RASA3: variants seen among roughly 807,000 people sequenced by gnomAD.
RASA3 encodes RAS p21 protein activator 3.
Under a neutral mutation model 110.0 loss-of-function variants are expected in RASA3, and 73 were observed. The observed-to-expected ratio is 0.66, with a 90% CI of 0.55 to 0.81. RASA3 has a LOEUF of 0.81. Ranked by LOEUF, RASA3 falls within the 30% of genes least tolerant of loss-of-function variation. The probability of loss-of-function intolerance (pLI) is 0.00; values close to 1 mark genes in which losing one functional copy is unlikely to be tolerated. For missense variants in RASA3, 976 were observed against 1,113.2 expected (o/e 0.88, Z 1.75); for synonymous variants, 500 against 451.4 (o/e 1.11, Z -1.37).
intron 11 of RASA3, among the ~76,000 whole-genome samples, chr13:114,017,717 G>A (rs533913236): frequency 6.6e-6 from 1 of 152,346 alleles, no homozygotes; most frequent in South Asian, 2.1e-4. Flanking sequence ...CCTCCTGTCA[G>A]CTACAGTGGC....
rs77572736 is a variant in RASA3, at chr13:114,027,779, C to T, written c.530+68G>A. On this transcript the variant is annotated intron_variant, in intron 6 of 23. Coordinates refer to ENST00000334062, the MANE Select transcript of RASA3 (RefSeq NM_007368.4). ...CTCCTCCCAAATGAGGCAGTGGTCT[C>T]GTGATTTCAGAGCTGGACCCTAGCC... 3,358 of 1,491,520 alleles carry T rather than the reference C, an allele frequency of 2.3e-3. 52 individuals carry two copies. The African/African-American group carries it at 0.042, about 19-fold the overall frequency. 92.4% of individuals were successfully genotyped at this position (1,491,520 alleles called of 1,614,324 possible).
At chr13:114,097,463 C>A (rs2079961218) in intron 1 of RASA3, among the ~76,000 whole-genome samples, 1 of 152,230 alleles carries the variant, frequency 6.6e-6, no homozygotes, top group Non-Finnish European at 1.5e-5. Flanking sequence ...TGAGACAGAA[C>A]GTCACAGCGA....
intron 1 of RASA3, among the ~76,000 whole-genome samples, chr13:114,118,749 T>C (rs999122204): frequency 5.3e-5 from 8 of 152,242 alleles, no homozygotes; most frequent in African/African-American, 1.9e-4. Flanking sequence ...GATGAATTAT[T>C]AACCAGACCA....
intron 7 of RASA3, among the ~76,000 whole-genome samples, chr13:114,025,045 T>C (rs1415735057): frequency 4.0e-5 from 6 of 151,462 alleles, no homozygotes; most frequent in Admixed American, 2.0e-4. Context: ...TCACCTGGAG[T>C]TCCGATTTAA....
chr13:114,014,106 G>GTC lies in RASA3; in HGVS notation c.1406-860_1406-859dup, dbSNP rs112560884. Reference sequence around the variant, plus strand: ...TCTGCCTCTCTCTCCGTCTCTCCCTGTCTCTCTCTCTCTCTCCTTGTCTCT... The same window carrying GTC: ...TCTGCCTCTCTCTCCGTCTCTCCCTGTCTCTCTCTCTCTCTCTCCTTGTCTCT... On this transcript the variant is annotated intron_variant, in intron 14 of 23. Coordinates refer to ENST00000334062, the MANE Select transcript of RASA3 (RefSeq NM_007368.4). This position sits in a 1 kb window ranked among gnomAD's most constrained non-coding sequence, Gnocchi z 4.5. Among the ~76,000 whole-genome samples, 47 of 130,900 alleles carry GTC rather than the reference G, an allele frequency of 3.6e-4. No individual in the cohort carries two copies. Among genetic ancestry groups the GTC allele is most frequent in the South Asian group, 7.7e-4 (3 of 3,876 alleles). The allele number at this position is 130,900 out of a possible 152,430, so 85.9% of individuals were successfully genotyped here.
chr13:114,132,163 C>T (rs1167503425), intron 1 of RASA3, among the ~76,000 whole-genome samples: 7 of 152,350 alleles, frequency 4.6e-5, no homozygotes, highest in Admixed American at 1.3e-4. Context: ...CCACCTCCTC[C>T]GCCGCTACCA....
At chr13:114,117,875 A>G (rs920880844) in intron 1 of RASA3, among the ~76,000 whole-genome samples, 11 of 146,196 alleles carry the variant, frequency 7.5e-5, no homozygotes, top group African/African-American at 2.8e-4. Flanking sequence ...GTGGGTGAGC[A>G]CGTGTGTGAG....
rs2080254966 is a variant in RASA3, at chr13:114,114,549, C to T, written c.55+17886G>A. 1.3e-5 allele frequency among the ~76,000 whole-genome samples: 2 copies of T among 152,202 alleles called. No homozygotes were observed. The highest frequency in any genetic ancestry group is 2.9e-5 in the Non-Finnish European group (2 of 68,038). On this transcript the variant is annotated intron_variant, in intron 1 of 23. Coordinates refer to ENST00000334062, the MANE Select transcript of RASA3 (RefSeq NM_007368.4). This position sits in a 1 kb window ranked among gnomAD's most constrained non-coding sequence, Gnocchi z 4.8. ...CTAAATGGTGCAAAATGGGCCCAGA[C>T]CCTCATTTTACCTTTACTTAAATAA... is the stretch of plus-strand genomic sequence containing the variant.
At chr13:114,069,110 C>T (rs569626387) in intron 2 of RASA3, among the ~76,000 whole-genome samples, 11 of 152,260 alleles carry the variant, frequency 7.2e-5, no homozygotes, top group African/African-American at 2.6e-4. Context: ...GGAGCTGGGT[C>T]GGTGACCTCC....
At chr13:114,012,549 C>A (rs2053658106) in intron 15 of RASA3, among the ~76,000 whole-genome samples, 1 of 148,014 alleles carries the variant, frequency 6.8e-6, no homozygotes, top group African/African-American at 2.5e-5. Context: ...TCATTCCATG[C>A]ACACTCCCCA....
rs140135400 is a variant in RASA3 at position 114,060,893 on chromosome 13, C to T, written c.174-8738G>A. On this transcript the variant is annotated intron_variant, in intron 2 of 23. Coordinates refer to ENST00000334062, the MANE Select transcript of RASA3 (RefSeq NM_007368.4). The stretch of plus-strand genomic sequence containing the variant: ...AGCCAGGCTCTGCCACCTCCACAGC[C>T]GGGAGACGGGGCCTCCAAAGCCGGC... Among the ~76,000 whole-genome samples the T allele has an allele frequency of 8.7e-3, 1,275 of 146,980 alleles. 23 individuals are homozygous for T. Among genetic ancestry groups the T allele is most frequent in the African/African-American group, 0.029 (1,172 of 40,088 alleles).
chr13:114,081,343 AG>A (rs1289866794), intron 1 of RASA3, among the ~76,000 whole-genome samples: 5 of 152,136 alleles, frequency 3.3e-5, no homozygotes, highest in Non-Finnish European at 7.4e-5. Flanking sequence ...GGGCCTCCCC[AG>A]GGCTGCCCAG....
intron 7 of RASA3, among the ~76,000 whole-genome samples, chr13:114,026,329 GC>G (rs143950064): frequency 0.02 from 2,999 of 152,270 alleles, 100 homozygotes; most frequent in African/African-American, 0.068. Context: ...CTCCAACAGG[GC>G]CCACCCTCCC....
intron 2 of RASA3, among the ~76,000 whole-genome samples, chr13:114,054,300 A>AT (rs1489986371): frequency 6.6e-6 from 1 of 152,268 alleles, no homozygotes; most frequent in African/African-American, 2.4e-5. Context: ...TTGAACACAC[A>AT]TATCACCAAA....
At chr13:114,021,782 G>A (rs561254316) in intron 8 of RASA3, among the ~76,000 whole-genome samples, 69 of 152,184 alleles carry the variant, frequency 4.5e-4, no homozygotes, top group Non-Finnish European at 8.8e-4. Flanking sequence ...AGATAGGAGG[G>A]AGCCTGGGCA....
At chr13:114,024,473 C>A in intron 7 of RASA3, 118 bp from the exon 8 acceptor site, 1 of 880,208 alleles carries the variant, frequency 1.1e-6, no homozygotes, top group Non-Finnish European at 1.9e-6. Context: ...ACTCAAGGGC[C>A]ACAACCAGGA....
chr13:113,980,142 G>C (rs113983796), intron 23 of RASA3, among the ~76,000 whole-genome samples: 13 of 115,762 alleles, frequency 1.1e-4, no homozygotes, highest in South Asian at 2.9e-4. Flanking sequence ...TGTACCTCCT[G>C]CCACGTGTGT....
chr13:114,055,077 T>C (rs963507268), intron 2 of RASA3, among the ~76,000 whole-genome samples: 3 of 152,046 alleles, frequency 2.0e-5, no homozygotes, highest in Non-Finnish European at 4.4e-5. Context: ...CACAGGCACG[T>C]GTTTGTGTGT....
intron 1 of RASA3, among the ~76,000 whole-genome samples, chr13:114,128,906 C>T (rs757463974): frequency 7.9e-5 from 12 of 151,958 alleles, no homozygotes; most frequent in Admixed American, 3.3e-4. Flanking sequence ...GAGCCTTTCC[C>T]GCCCTGGACC....
Sources: gnomAD v4.1 joint callset for allele counts (sites outside exome capture counted in the v4.1 genomes callset) on GRCh38, gnomAD v4.1.1 for gene constraint, Gnocchi (gnomAD v3.1) non-coding constraint, MANE v1.5 for transcripts, NCBI Gene and HGNC (gene_info 2026-07-23, HGNC 2026-07-21) for gene names.